The following TMEM71 variants were observed in gnomAD, a reference collection of about 807,000 sequenced individuals.
The protein encoded by TMEM71 is transmembrane protein 71.
In TMEM71, 44 loss-of-function variants were observed where a neutral mutation model predicts 38.0. The observed-to-expected ratio is 1.16, with a 90% CI of 0.91 to 1.49. The LOEUF (loss-of-function observed/expected upper bound fraction) is 1.49, where lower values mean the gene tolerates loss of function less well. Ranked by LOEUF, TMEM71 falls within the 40% of genes most tolerant of loss-of-function variation. The pLI is 0.00. For missense variants in TMEM71, 367 were observed against 348.6 expected (o/e 1.05, Z -0.42); for synonymous variants, 133 against 122.5 (o/e 1.09, Z -0.56).
intron 1 of TMEM71, among the ~76,000 whole-genome samples, chr8:132,759,629 T>C (rs746166128): frequency 2.0e-5 from 3 of 152,212 alleles, no homozygotes; most frequent in Admixed American, 6.5e-5. Flanking sequence ...CTGTTGACTA[T>C]GAAACTTTGT....
In TMEM71 at chr8:132,713,984, G is replaced by T; in HGVS notation, c.872+11C>A. The T allele has an allele frequency of 6.2e-7, 1 of 1,612,962 alleles. No individual in the cohort carries two copies. The highest frequency in any genetic ancestry group is 8.5e-7 in the Non-Finnish European group (1 of 1,179,160). ...GGTCCAGACAATAATGATGACACAG[G>T]CAACACTTACCGAGCACAGGCAGTG... On this transcript the variant is annotated intron_variant, in intron 9 of 9. Transcript: ENST00000677595.
intron 6 of TMEM71, among the ~76,000 whole-genome samples, chr8:132,727,507 C>A (rs983770085): frequency 6.6e-6 from 1 of 152,138 alleles, no homozygotes; most frequent in East Asian, 1.9e-4. Flanking sequence ...CCGCCCGCCT[C>A]GGCCTCCCAA....
chr8:132,720,578 C>A (rs1826786435), intron 7 of TMEM71, among the ~76,000 whole-genome samples: 1 of 152,168 alleles, frequency 6.6e-6, no homozygotes, highest in Non-Finnish European at 1.5e-5. Flanking sequence ...TTCTTGTGGT[C>A]CCATTGTGAT....
rs77183130 is a variant in TMEM71, at chr8:132,747,263, G to T, written c.315-149C>A. 7.2e-5 allele frequency: 51 copies of T among 703,680 alleles called. 1 individual carries two copies. In the African/African-American group the frequency reaches 8.9e-4, roughly 12 times the overall value. 43.6% of individuals were successfully genotyped at this position (703,680 alleles called of 1,614,324 possible). A position where few individuals can be genotyped will look rare whatever the true frequency, so the allele number is the denominator to read the frequency against. ...TTTCTCAAAATTCTACTGTGTGCCA[G>T]GTCCTTGGCTCAATGTCAAGAGTAC... On this transcript the variant is annotated intron_variant, in intron 4 of 9. Coordinates refer to ENST00000677595, the MANE Select transcript of TMEM71 (RefSeq NM_001382403.1).
At chr8:132,775,122 A>G in the TMEM71 span, among the ~76,000 whole-genome samples, 1 of 152,256 alleles carries the variant, frequency 6.6e-6, no homozygotes, top group Non-Finnish European at 1.5e-5. Flanking sequence ...CGAATCAAGA[A>G]TAATAAACAA....
chr8:132,770,707 G>A, the TMEM71 span, among the ~76,000 whole-genome samples: 1 of 151,992 alleles, frequency 6.6e-6, no homozygotes, highest in Non-Finnish European at 1.5e-5. Context: ...TTCCCTTTTT[G>A]CTTAAGCCTG....
chr8:132,749,835 G>A (rs2467977), intron 4 of TMEM71, among the ~76,000 whole-genome samples: 46,090 of 151,540 alleles, frequency 0.3, 7,224 homozygotes, highest in Non-Finnish European at 0.33. Flanking sequence ...CCAACATGGC[G>A]AAACCCCATC....
At chr8:132,773,248 C>T in the TMEM71 span, among the ~76,000 whole-genome samples, 1 of 152,182 alleles carries the variant, frequency 6.6e-6, no homozygotes, top group Non-Finnish European at 1.5e-5. Flanking sequence ...CAATAAAATA[C>T]CATCCTCCAT....
upstream of TMEM71, among the ~76,000 whole-genome samples, chr8:132,761,514 A>C (rs1303234152): frequency 6.6e-6 from 1 of 152,302 alleles, no homozygotes; most frequent in East Asian, 1.9e-4. Context: ...AGTTAATCTC[A>C]TCCTTTCCTG....
chr8:132,738,055 A>G (rs1265784077), intron 5 of TMEM71, among the ~76,000 whole-genome samples: 1 of 152,188 alleles, frequency 6.6e-6, no homozygotes, highest in African/African-American at 2.4e-5. Context: ...GCTAATGTGT[A>G]TTAAGCAGAA....
the TMEM71 span, among the ~76,000 whole-genome samples, chr8:132,773,991 T>G: frequency 1.3e-5 from 2 of 152,230 alleles, no homozygotes; most frequent in Non-Finnish European, 2.9e-5. Context: ...ATAATCTGTC[T>G]AGAACCTGGA....
intron 2 of TMEM71, 66 bp from the exon 3 acceptor site, chr8:132,757,360 C>A: frequency 4.1e-6 from 5 of 1,206,456 alleles, no homozygotes; most frequent in South Asian, 3.7e-5. Flanking sequence ...TATGTTGATA[C>A]ATGTATCAAT....
At chr8:132,729,645 C>T (rs1827340044) in intron 5 of TMEM71, among the ~76,000 whole-genome samples, 1 of 152,172 alleles carries the variant, frequency 6.6e-6, no homozygotes, top group African/African-American at 2.4e-5. Flanking sequence ...ACCTATAACT[C>T]TAAGCATACG....
Position 132,722,080 on chromosome 8 carries a change from T to C in TMEM71, c.712A>G (p.Ile238Val). Residue 238 changes from isoleucine to valine, a missense_variant, in exon 7 of 10, where the codon ATC becomes GTC. Coordinates refer to ENST00000677595, the MANE Select transcript of TMEM71 (RefSeq NM_001382403.1). ...RLLQEVFFQA[I>V]LLAVCLIISA... Reference sequence around the variant, plus strand: ...ATGATTAAGCACACAGCAAGCAGGATTGCCTGAAAGAAGACCTCTTGCAAC... The same window carrying C: ...ATGATTAAGCACACAGCAAGCAGGACTGCCTGAAAGAAGACCTCTTGCAAC... The C allele has an allele frequency of 1.2e-6, 2 of 1,614,010 alleles. No homozygotes were observed. The highest frequency in any genetic ancestry group is 1.7e-6 in the Non-Finnish European group (2 of 1,179,984).
Position 132,757,212 on chromosome 8 carries a change from T to A in TMEM71, c.101+22A>T, listed in dbSNP as rs772061462. ...CGCCCGGCCAGAATGATTATTTTTT[T>A]AAAAGAAGCCCCATAGTATACCTTG... is the stretch of plus-strand genomic sequence containing the variant. On this transcript the variant is annotated intron_variant, in intron 3 of 9. Coordinates refer to ENST00000677595, the MANE Select transcript of TMEM71 (RefSeq NM_001382403.1). 81 of 1,590,050 alleles carry A rather than the reference T, an allele frequency of 5.1e-5. 1 individual carries two copies. In the Admixed American group the frequency reaches 1.3e-3, roughly 25 times the overall value.
chr8:132,739,868 T>C (rs1827945929), intron 5 of TMEM71, among the ~76,000 whole-genome samples: 1 of 152,196 alleles, frequency 6.6e-6, no homozygotes, highest in Non-Finnish European at 1.5e-5. Context: ...AGTCTACCTG[T>C]AAGACGAATC....
chr8:132,731,997 CA>C (rs1827485260), intron 5 of TMEM71, among the ~76,000 whole-genome samples: 1 of 152,074 alleles, frequency 6.6e-6, no homozygotes, highest in South Asian at 2.1e-4. Flanking sequence ...AGGCGGGAGG[CA>C]AAAGCTGCAT....
intron 6 of TMEM71, among the ~76,000 whole-genome samples, chr8:132,724,226 G>A (rs550312763): frequency 5.3e-5 from 8 of 152,142 alleles, no homozygotes; most frequent in Non-Finnish European, 8.8e-5. Context: ...GCAGAGAACC[G>A]GTCTGACCTC....
Position 132,729,959 on chromosome 8 carries a change from A to T in TMEM71, c.488-1973T>A, listed in dbSNP as rs992688465. On this transcript the variant is annotated intron_variant, in intron 5 of 9. Coordinates refer to ENST00000677595, the MANE Select transcript of TMEM71 (RefSeq NM_001382403.1). ...TATAAGTAAGTGGGTTTTCAGTTAA[A>T]TTTTTTTTTTTTTTTTGAGACGGAG... Among the ~76,000 whole-genome samples, 115 of 144,366 alleles carry T rather than the reference A, an allele frequency of 8.0e-4. 2 individuals are homozygous for T. Among genetic ancestry groups the T allele is most frequent in the South Asian group, 1.6e-3 (7 of 4,490 alleles). 94.7% of individuals were successfully genotyped at this position (144,366 alleles called of 152,430 possible).
Sources: gnomAD v4.1 joint callset for allele counts (sites outside exome capture counted in the v4.1 genomes callset) on GRCh38, gnomAD v4.1.1 for gene constraint, MANE v1.5 for transcripts, NCBI Gene and HGNC (gene_info 2026-07-23, HGNC 2026-07-21) for gene names.